Variants in CDH4 observed in about 807,000 individuals in gnomAD.
The protein encoded by CDH4 is cadherin-4.
In CDH4, 33 loss-of-function variants were observed where a neutral mutation model predicts 86.0. The observed-to-expected ratio is 0.38, with a 90% CI of 0.29 to 0.51. The LOEUF (loss-of-function observed/expected upper bound fraction) is 0.51. CDH4 is among the 20% of genes least tolerant of loss of function. CDH4 has a pLI of 0.86. For missense variants in CDH4, 1,114 were observed against 1,307.4 expected, an observed-to-expected ratio of 0.85 and a Z score of 2.28; for synonymous variants, 555 against 549.4, an observed-to-expected ratio of 1.01 and a Z score of -0.14.
In CDH4 at chr20:61,940,472, A is replaced by G. The variant is rs1231315655; in HGVS notation, c.*3529A>G. The G allele has an allele frequency of 1.3e-5, 2 of 152,090 alleles. No individual in the cohort carries two copies. Among genetic ancestry groups the G allele is most frequent in the Non-Finnish European group, 2.9e-5 (2 of 68,008 alleles). 9.4% of individuals were successfully genotyped at this position (152,090 alleles called of 1,614,324 possible). On this transcript the variant is annotated 3_prime_UTR_variant, in exon 16 of 16. Transcript: ENST00000614565. The stretch of plus-strand genomic sequence containing the variant: ...TTTGTACCAAAAAAAAAAAGGAAAA[A>G]AAAAGGGAAGAGAGTTGATGTTTTC...
intron 3 of CDH4, among the ~76,000 whole-genome samples, chr20:61,763,233 C>T (rs1395406924): frequency 6.6e-6 from 1 of 152,148 alleles, no homozygotes; most frequent in Non-Finnish European, 1.5e-5. Context: ...AGGGTAATGA[C>T]TTCGACTAGG....
At chr20:61,519,134 C>T (rs1334106268) in intron 2 of CDH4, among the ~76,000 whole-genome samples, 1 of 152,210 alleles carries the variant, frequency 6.6e-6, no homozygotes, top group East Asian at 1.9e-4. Context: ...GAAGTTTCCA[C>T]CACAAATTTC....
intron 2 of CDH4, among the ~76,000 whole-genome samples, chr20:61,268,576 G>A (rs1284302207): frequency 6.6e-6 from 1 of 152,200 alleles, no homozygotes; most frequent in African/African-American, 2.4e-5. Flanking sequence ...CCAGCTGTTG[G>A]AGGTGGGCCT....
chr20:61,270,619 C>G (rs890160132), intron 2 of CDH4, among the ~76,000 whole-genome samples: 6 of 152,156 alleles, frequency 3.9e-5, no homozygotes, highest in African/African-American at 1.4e-4. Context: ...GAGTTATGTG[C>G]TTGAAAGGTT....
At chr20:61,288,727 G>T (rs1389101369) in intron 2 of CDH4, among the ~76,000 whole-genome samples, 1 of 152,228 alleles carries the variant, frequency 6.6e-6, no homozygotes, top group Non-Finnish European at 1.5e-5. Context: ...GCACATGAAG[G>T]TGCCAGCGAT....
At chr20:61,733,012 A>G (rs374986598) in intron 2 of CDH4, among the ~76,000 whole-genome samples, 135 of 151,848 alleles carry the variant, frequency 8.9e-4, no homozygotes, top group African/African-American at 3.2e-3. Context: ...CCCAGCTCCC[A>G]CCTCTGAAAA....
At chr20:61,885,335 C>T (rs1984494720) in intron 7 of CDH4, among the ~76,000 whole-genome samples, 1 of 152,192 alleles carries the variant, frequency 6.6e-6, no homozygotes, top group African/African-American at 2.4e-5. Flanking sequence ...CCTGGCAGCC[C>T]CAAATCTTCT....
chr20:61,454,886 TC>T (rs1360739831), intron 2 of CDH4, among the ~76,000 whole-genome samples: 1 of 152,180 alleles, frequency 6.6e-6, no homozygotes, highest in Non-Finnish European at 1.5e-5. Flanking sequence ...AAGGGTGGGT[TC>T]CGTGACCAGG....
intron 2 of CDH4, among the ~76,000 whole-genome samples, chr20:61,509,922 TAAAAAAGGGAAAGAG>T (rs1311811013): frequency 1.3e-5 from 2 of 151,036 alleles, no homozygotes; most frequent in Non-Finnish European, 2.9e-5. Context: ...ATTTTAGGGG[TAAAAAAGGGAAAGAG>T]AGAAAAGGGG....
chr20:61,759,286 T>C (rs1264734290), intron 3 of CDH4, among the ~76,000 whole-genome samples: 1 of 152,172 alleles, frequency 6.6e-6, no homozygotes, highest in African/African-American at 2.4e-5. Flanking sequence ...CCCTCTGTGG[T>C]TCTGGAGAAG....
At chr20:61,648,952 C>T (rs146562179) in intron 2 of CDH4, among the ~76,000 whole-genome samples, 1,706 of 152,262 alleles carry the variant, frequency 0.011, 25 homozygotes, top group Admixed American at 0.02. Context: ...AGGTGGCCAT[C>T]GGGGGCCATC....
At chr20:61,823,215 T>TTGGTGA (rs561071463) in intron 4 of CDH4, among the ~76,000 whole-genome samples, 4,335 of 13,374 alleles carry the variant, frequency 0.32, 121 homozygotes, top group African/African-American at 0.41. Context: ...TTAAATGGTG[T>TTGGTGA]TGGTGATGGT....
intron 2 of CDH4, among the ~76,000 whole-genome samples, chr20:61,630,527 A>C (rs1367098932): frequency 6.6e-6 from 1 of 152,208 alleles, no homozygotes; most frequent in South Asian, 2.1e-4. Context: ...CCACACCTGC[A>C]GGCCCCTGGC....
chr20:61,729,272 G>A (rs187526091), intron 2 of CDH4, among the ~76,000 whole-genome samples: 29 of 152,302 alleles, frequency 1.9e-4, no homozygotes, highest in African/African-American at 9.6e-5. Flanking sequence ...CACATCAAGA[G>A]CCACTGTGCT....
intron 2 of CDH4, among the ~76,000 whole-genome samples, chr20:61,596,209 A>G (rs1275982024): frequency 3.3e-5 from 5 of 152,204 alleles, no homozygotes; most frequent in Admixed American, 3.3e-4. Context: ...CTTTCCCCTA[A>G]TGACTTCCCG....
intron 3 of CDH4, among the ~76,000 whole-genome samples, chr20:61,753,914 G>A (rs1208377382): frequency 6.6e-6 from 1 of 152,106 alleles, no homozygotes; most frequent in African/African-American, 2.4e-5. Context: ...ACTTAACTTG[G>A]AAATAGGGGG....
At chr20:61,433,255 G>T (rs2085258838) in intron 2 of CDH4, among the ~76,000 whole-genome samples, 1 of 152,104 alleles carries the variant, frequency 6.6e-6, no homozygotes, top group South Asian at 2.1e-4. Context: ...GTTCAAAAGA[G>T]TTCCTTTCCC....
At chr20:61,473,927 A>G (rs1227811811) in intron 2 of CDH4, among the ~76,000 whole-genome samples, 1 of 152,138 alleles carries the variant, frequency 6.6e-6, no homozygotes, top group Non-Finnish European at 1.5e-5. Flanking sequence ...AGCCAGGTAT[A>G]AATCTTGTTT....
At chr20:61,732,464 C>T (rs1208654479) in intron 2 of CDH4, among the ~76,000 whole-genome samples, 1 of 152,150 alleles carries the variant, frequency 6.6e-6, no homozygotes, top group African/African-American at 2.4e-5. Context: ...TCCCTTCCTG[C>T]CCCCCAGTCT....
Sources: allele counts gnomAD v4.1 joint callset (sites outside exome capture counted in the v4.1 genomes callset), GRCh38; gene constraint gnomAD v4.1.1; transcripts MANE v1.5; gene names NCBI Gene and HGNC (gene_info 2026-07-23, HGNC 2026-07-21).